AUTS2: variants seen among roughly 807,000 people sequenced by gnomAD.
The protein encoded by AUTS2 is autism susceptibility gene 2 protein.
A neutral mutation model predicts 112.4 loss-of-function variants in AUTS2; 17 were observed. The observed-to-expected ratio is 0.15, with a 90% CI of 0.10 to 0.23. The LOEUF (loss-of-function observed/expected upper bound fraction) is 0.23. AUTS2 is among the 10% of genes least tolerant of loss of function. The pLI, the probability that AUTS2 is intolerant of heterozygous loss-of-function variation, is 1.00. For missense variants in AUTS2, 1,510 were observed against 1,701.6 expected (o/e 0.89, Z 1.98); for synonymous variants, 751 against 702.7 (o/e 1.07, Z -1.09).
chr7:70,338,366 G>T (rs1191697659), intron 4 of AUTS2, among the ~76,000 whole-genome samples: 1 of 152,170 alleles, frequency 6.6e-6, no homozygotes, highest in African/African-American at 2.4e-5. Context: ...CTATTAAAGG[G>T]TATCATGGTT....
intron 4 of AUTS2, among the ~76,000 whole-genome samples, chr7:70,149,118 T>C (rs1235630165): frequency 7.2e-6 from 1 of 138,844 alleles, no homozygotes; most frequent in Admixed American, 7.1e-5. Flanking sequence ...ATTTCTAAGA[T>C]GTTATTACCA....
chr7:69,704,840 T>A (rs888662345), intron 1 of AUTS2, among the ~76,000 whole-genome samples: 4 of 152,174 alleles, frequency 2.6e-5, no homozygotes, highest in Non-Finnish European at 5.9e-5. Flanking sequence ...CCTGCTTTCA[T>A]GTCTCTGTGC....
chr7:70,741,699 A>AG (rs1788119456), intron 6 of AUTS2, among the ~76,000 whole-genome samples: 1 of 152,016 alleles, frequency 6.6e-6, no homozygotes, highest in African/African-American at 2.4e-5. Context: ...CTCAAAAAAA[A>AG]AAAAGAAAGA....
rs958672568 is a variant in AUTS2, at chr7:70,791,624, C to G, written c.*628C>G. ...ATGCAATGAATGTTCGGGCTTTTCA[C>G]AAAAGCCCGCCTAACTCAAAGGAGC... On this transcript the variant is annotated 3_prime_UTR_variant, in exon 19 of 19. Coordinates refer to ENST00000342771, the MANE Select transcript of AUTS2 (RefSeq NM_015570.4). The G allele has an allele frequency of 3.3e-5, 5 of 152,740 alleles. No homozygotes were observed. The highest frequency in any genetic ancestry group is 1.2e-4 in the African/African-American group (5 of 41,564). 9.5% of individuals were successfully genotyped at this position (152,740 alleles called of 1,614,324 possible).
At chr7:69,974,150 G>A (rs1199137529) in intron 2 of AUTS2, among the ~76,000 whole-genome samples, 3 of 151,254 alleles carry the variant, frequency 2.0e-5, no homozygotes, top group Non-Finnish European at 4.4e-5. Flanking sequence ...TATTTGGTGG[G>A]TTCTGGTAGT....
chr7:70,070,558 G>T (rs1016119855), intron 2 of AUTS2, among the ~76,000 whole-genome samples: 1 of 151,340 alleles, frequency 6.6e-6, no homozygotes, highest in Non-Finnish European at 1.5e-5. Context: ...CAGCCTGGGC[G>T]ATAAGCAAGA....
chr7:69,686,690 G>A (rs541324564), intron 1 of AUTS2, among the ~76,000 whole-genome samples: 3 of 152,098 alleles, frequency 2.0e-5, no homozygotes, highest in Non-Finnish European at 4.4e-5. Flanking sequence ...AACATGGCCC[G>A]GGTTGCAAAT....
chr7:70,172,502 T>C (rs1255006014), intron 4 of AUTS2, among the ~76,000 whole-genome samples: 1 of 152,198 alleles, frequency 6.6e-6, no homozygotes, highest in Non-Finnish European at 1.5e-5. Flanking sequence ...CTAGCTAGAG[T>C]ACATCCTTGA....
intron 4 of AUTS2, among the ~76,000 whole-genome samples, chr7:70,308,386 G>C (rs1442373581): frequency 2.0e-5 from 3 of 152,286 alleles, no homozygotes; most frequent in African/African-American, 2.4e-5. Context: ...CAGTAGTAAA[G>C]TATAGACTAG....
At chr7:70,174,775 C>A (rs753933581) in intron 4 of AUTS2, among the ~76,000 whole-genome samples, 1 of 152,070 alleles carries the variant, frequency 6.6e-6, no homozygotes, top group African/African-American at 2.4e-5. Flanking sequence ...ATTTTAAGCC[C>A]GCTATTGAGA....
chr7:69,621,985 CA>C (rs1296357178), intron 1 of AUTS2, among the ~76,000 whole-genome samples: 1 of 151,352 alleles, frequency 6.6e-6, no homozygotes, highest in Non-Finnish European at 1.5e-5. Context: ...AATAAACAAA[CA>C]AAAACCCTAA....
At chr7:70,439,652 A>G (rs975386727) in intron 5 of AUTS2, among the ~76,000 whole-genome samples, 3 of 152,094 alleles carry the variant, frequency 2.0e-5, no homozygotes, top group African/African-American at 7.2e-5. Context: ...CTAAGAAAAG[A>G]GGCAGCACTT....
chr7:70,581,393 T>C (rs1802436309), intron 5 of AUTS2, among the ~76,000 whole-genome samples: 2 of 152,000 alleles, frequency 1.3e-5, no homozygotes, highest in Non-Finnish European at 2.9e-5. Context: ...TCTCAATAAA[T>C]AAATAAATAA....
In AUTS2 at chr7:70,694,232, G is replaced by A. The variant is rs1247233915; in HGVS notation, c.691-4337G>A. On this transcript the variant is annotated intron_variant, in intron 5 of 18. Coordinates refer to ENST00000342771, the MANE Select transcript of AUTS2 (RefSeq NM_015570.4). The surrounding 1 kb of genome is among the most constrained non-coding windows in gnomAD (Gnocchi z 4.1). ...GGAGAGGCAGGCGCCCGCAAGCCGA[G>A]CGCGGGCCGGAGCCCAGCCAGCCCC... 6.7e-6 allele frequency: 1 copy of A among 149,866 alleles called. No homozygotes were observed. Among genetic ancestry groups the A allele is most frequent in the African/African-American group, 2.4e-5 (1 of 41,164 alleles). 9.3% of individuals were successfully genotyped at this position (149,866 alleles called of 1,614,324 possible).
intron 1 of AUTS2, among the ~76,000 whole-genome samples, chr7:69,871,807 T>C (rs978790971): frequency 6.6e-6 from 1 of 152,196 alleles, no homozygotes; most frequent in Non-Finnish European, 1.5e-5. Flanking sequence ...AATTTAAAAC[T>C]ATGAGTTGCT....
chr7:70,716,870 C>G (rs73443084), intron 6 of AUTS2, among the ~76,000 whole-genome samples: 1 of 151,870 alleles, frequency 6.6e-6, no homozygotes, highest in African/African-American at 2.4e-5. Context: ...GATACTAAGA[C>G]GTAACCTCCC....
At chr7:70,598,099 G>C (rs917727096) in intron 5 of AUTS2, among the ~76,000 whole-genome samples, 8 of 152,204 alleles carry the variant, frequency 5.3e-5, no homozygotes, top group African/African-American at 1.9e-4. Flanking sequence ...GGTATCGAAA[G>C]ACGTTTGCTG....
chr7:70,620,521 T>A (rs1021151510), intron 5 of AUTS2, among the ~76,000 whole-genome samples: 3 of 152,144 alleles, frequency 2.0e-5, no homozygotes, highest in Non-Finnish European at 4.4e-5. Flanking sequence ...TTTGCTCTCC[T>A]GTGCTGGTGG....
intron 6 of AUTS2, among the ~76,000 whole-genome samples, chr7:70,716,513 G>A (rs1375748803): frequency 6.6e-6 from 1 of 151,790 alleles, no homozygotes; most frequent in Non-Finnish European, 1.5e-5. Context: ...GGCGCCTGTA[G>A]TCCCAGCTAC....
Sources: gnomAD v4.1 joint callset for allele counts (sites outside exome capture counted in the v4.1 genomes callset) on GRCh38, gnomAD v4.1.1 for gene constraint, Gnocchi (gnomAD v3.1) non-coding constraint, MANE v1.5 for transcripts, NCBI Gene and HGNC (gene_info 2026-07-23, HGNC 2026-07-21) for gene names.